Variants in LMO1 observed in about 807,000 individuals in gnomAD.
The protein encoded by LMO1 is rhombotin-1.
LMO1 carries 10 observed loss-of-function variants against 18.0 expected under a neutral mutation model. That is an observed-to-expected ratio of 0.55 (90% confidence interval 0.34 to 0.94). The LOEUF is 0.94. LMO1 is among the 40% of genes least tolerant of loss of function. LMO1 has a pLI of 0.02. For synonymous variants in LMO1, 77 were observed against 77.9 expected (o/e 0.99, Z 0.06); for missense variants, 183 against 205.7 (o/e 0.89, Z 0.68).
chr11:8,238,192 A>G (rs372572795), intron 1 of LMO1, among the ~76,000 whole-genome samples: 2 of 152,252 alleles, frequency 1.3e-5, no homozygotes, highest in African/African-American at 4.8e-5. Flanking sequence ...GAAATAAATT[A>G]TGGTATATTC....
At chr11:8,246,496 TACAG>T (rs1278249199) in intron 1 of LMO1, among the ~76,000 whole-genome samples, 1 of 152,182 alleles carries the variant, frequency 6.6e-6, no homozygotes, top group South Asian at 2.1e-4. Flanking sequence ...GGCAAAGCTA[TACAG>T]ACAGAAAGTA....
At chr11:8,253,775 A>T (rs1229334630) in intron 1 of LMO1, among the ~76,000 whole-genome samples, 1 of 152,120 alleles carries the variant, frequency 6.6e-6, no homozygotes, top group Non-Finnish European at 1.5e-5. Context: ...TTGAATTATT[A>T]AAACTCCTTT....
chr11:8,267,917 A>T (rs1450460181), upstream of LMO1, among the ~76,000 whole-genome samples: 1 of 152,222 alleles, frequency 6.6e-6, no homozygotes, highest in Non-Finnish European at 1.5e-5. Flanking sequence ...GCCAGACCGC[A>T]GAGACAGTGC....
intron 1 of LMO1, among the ~76,000 whole-genome samples, chr11:8,240,760 T>C (rs995814361): frequency 6.6e-5 from 10 of 151,916 alleles, no homozygotes; most frequent in Admixed American, 6.6e-4. Context: ...CACTATCACA[T>C]TGGGTGTTGG....
intron 1 of LMO1, among the ~76,000 whole-genome samples, chr11:8,261,384 C>T (rs1275400075): frequency 6.6e-6 from 1 of 152,198 alleles, no homozygotes; most frequent in Non-Finnish European, 1.5e-5. Context: ...GAAATCCATT[C>T]TCACTCAAGG....
chr11:8,252,756 T>C (rs1002440782), intron 1 of LMO1, among the ~76,000 whole-genome samples: 1 of 152,276 alleles, frequency 6.6e-6, no homozygotes, highest in Non-Finnish European at 1.5e-5. Context: ...CAACCCCACA[T>C]GAATCTTGAG....
At chr11:8,251,885 A>G (rs202215347) in intron 1 of LMO1, among the ~76,000 whole-genome samples, 4 of 93,876 alleles carry the variant, frequency 4.3e-5, no homozygotes, top group Non-Finnish European at 6.5e-5. Flanking sequence ...GTGTGTGTGT[A>G]TAGGTGTGTA....
chr11:8,230,224 TG>T, intron 2 of LMO1, 66 bp downstream of exon 2: 1 of 1,451,614 alleles, frequency 6.9e-7, no homozygotes, highest in Non-Finnish European at 9.6e-7. Context: ...ACAGTCACGC[TG>T]GGGCTGAGGA....
At chr11:8,254,117 G>A (rs969872764) in intron 1 of LMO1, among the ~76,000 whole-genome samples, 1 of 152,190 alleles carries the variant, frequency 6.6e-6, no homozygotes, top group Non-Finnish European at 1.5e-5. Context: ...GGAAAAAAAA[G>A]TGGAAGGACT....
chr11:8,259,455 G>A (rs903494354), intron 1 of LMO1, among the ~76,000 whole-genome samples: 6 of 152,212 alleles, frequency 3.9e-5, no homozygotes, highest in African/African-American at 1.2e-4. Context: ...TGCCGCTGGG[G>A]CTGGTCATGG....
intron 1 of LMO1, among the ~76,000 whole-genome samples, chr11:8,236,191 G>GTT (rs1405406084): frequency 7.2e-6 from 1 of 139,676 alleles, no homozygotes; most frequent in Non-Finnish European, 1.6e-5. Context: ...TGTAGCCTTG[G>GTT]TATTTTTTTT....
chr11:8,232,538 C>T (rs901070494), intron 1 of LMO1, among the ~76,000 whole-genome samples: 6 of 152,194 alleles, frequency 3.9e-5, no homozygotes, highest in Admixed American at 3.9e-4. Flanking sequence ...AGGGCATGAC[C>T]TTGTCCTTAG....
At position 8,224,526 on chromosome 11, in the gene LMO1, G is replaced by C; in HGVS notation, c.*90C>G. 1 of 750,854 alleles carries C rather than the reference G, an allele frequency of 1.3e-6. No individual in the cohort carries two copies. The allele number at this position is 750,854 out of a possible 1,614,324, so 46.5% of individuals were successfully genotyped here. ...AATGTGGCAGGAGAGCGGCTGGCCAGCCTGCACTGGTAGAGTGGCTGGCTG... is the reference window on the plus strand; with the variant it reads ...AATGTGGCAGGAGAGCGGCTGGCCACCCTGCACTGGTAGAGTGGCTGGCTG... On this transcript the variant is annotated 3_prime_UTR_variant, in exon 4 of 4. Transcript: ENST00000335790.
At chr11:8,249,923 T>G (rs1846959878) in intron 1 of LMO1, among the ~76,000 whole-genome samples, 1 of 152,212 alleles carries the variant, frequency 6.6e-6, no homozygotes, top group African/African-American at 2.4e-5. Context: ...TTGATAAAAA[T>G]TATACCAAAA....
intron 1 of LMO1, among the ~76,000 whole-genome samples, chr11:8,235,294 TACC>T: frequency 6.6e-6 from 1 of 152,354 alleles, no homozygotes; most frequent in East Asian, 1.9e-4. Context: ...TATAACATTT[TACC>T]ACATTTGATT....
intron 1 of LMO1, among the ~76,000 whole-genome samples, chr11:8,242,217 C>A (rs1846807066): frequency 6.6e-6 from 1 of 152,194 alleles, no homozygotes; most frequent in South Asian, 2.1e-4. Context: ...AGCTCTCATG[C>A]AAATATAAAC....
chr11:8,233,224 C>T (rs1056313804), intron 1 of LMO1, among the ~76,000 whole-genome samples: 8 of 152,112 alleles, frequency 5.3e-5, no homozygotes, highest in African/African-American at 1.9e-4. Flanking sequence ...CAGGGTCAGC[C>T]TGGCTGAGAA....
chr11:8,234,356 G>A (rs746788606), intron 1 of LMO1, among the ~76,000 whole-genome samples: 2 of 151,820 alleles, frequency 1.3e-5, no homozygotes, highest in Non-Finnish European at 2.9e-5. Context: ...CCTCCAGCCC[G>A]GAGGAGAAAT....
At chr11:8,267,489 A>C (rs1467157679), upstream of LMO1, among the ~76,000 whole-genome samples, 1 of 152,150 alleles carries the variant, frequency 6.6e-6, no homozygotes, top group African/African-American at 2.4e-5. Flanking sequence ...TCAGGCACTA[A>C]GGGATTGTCC....
Sources: allele counts gnomAD v4.1 joint callset (sites outside exome capture counted in the v4.1 genomes callset), GRCh38; gene constraint gnomAD v4.1.1; transcripts MANE v1.5; gene names NCBI Gene and HGNC (gene_info 2026-07-23, HGNC 2026-07-21).